Variants in MALSU1 observed in about 807,000 individuals in gnomAD.
MALSU1 encodes the protein mitochondrial assembly of ribosomal large subunit protein 1.
MALSU1 carries 22 observed loss-of-function variants against 22.1 expected under a neutral mutation model. The ratio of observed to expected loss-of-function variants is 1.00; its 90% CI spans 0.71 to 1.42. MALSU1 has a LOEUF of 1.42. Among genes scored for constraint, MALSU1 ranks in the 40% most tolerant of loss-of-function variants. The pLI, the probability that MALSU1 is intolerant of heterozygous loss-of-function variation, is 0.00. For synonymous variants in MALSU1, 153 were observed against 118.5 expected (o/e 1.29, Z -1.89); for missense variants, 379 against 308.3 (o/e 1.23, Z -1.72).
chr7:23,306,429 C>CTT (rs575334744), intron 2 of MALSU1, among the ~76,000 whole-genome samples: 4,367 of 142,882 alleles, frequency 0.031, 196 homozygotes, highest in African/African-American at 0.1. Context: ...ATTTGGGTAC[C>CTT]TTTTTTTTTT....
Position 23,311,382 on chromosome 7 carries a change from TTTA to T in MALSU1, c.*1844_*1846del, listed in dbSNP as rs1783824088. 6.6e-6 allele frequency: 1 copy of T among 152,658 alleles called. No individual in the cohort carries two copies. The highest frequency in any genetic ancestry group is 2.4e-5 in the African/African-American group (1 of 41,452). 9.5% of individuals were successfully genotyped at this position (152,658 alleles called of 1,614,324 possible). On this transcript the variant is annotated 3_prime_UTR_variant, in exon 4 of 4. Transcript: ENST00000466681. The stretch of plus-strand genomic sequence containing the variant: ...TATTGATAGTCAGAAGCACAAAGCA[TTTA>T]TTATGCATTCAATCATGTAGCTAAA...
At chr7:23,306,472 A>G (rs974079393) in intron 2 of MALSU1, among the ~76,000 whole-genome samples, 5 of 151,476 alleles carry the variant, frequency 3.3e-5, no homozygotes, top group Non-Finnish European at 7.4e-5. Context: ...AGAACTTCCA[A>G]TACTGTGTTG....
chr7:23,305,602 C>T (rs1403151512), intron 2 of MALSU1, among the ~76,000 whole-genome samples: 2 of 152,074 alleles, frequency 1.3e-5, no homozygotes, highest in Non-Finnish European at 2.9e-5. Flanking sequence ...GTCTTAAACT[C>T]CTAACCTCAG....
In MALSU1 at chr7:23,309,500, A is replaced by C. The variant is rs766734480; in HGVS notation, c.662A>C (p.Asp221Ala). ...VPEDFILGIE[D>A]DTSSVTPVEL... ...GAAGACTTCATTCTTGGAATAGAAG[A>C]TGATACTTCATCTGTGACTCCAGTG... is the stretch of plus-strand genomic sequence containing the variant. Residue 221 changes from aspartate to alanine, a missense_variant, in exon 4 of 4, where the codon GAT becomes GCT. Transcript: ENST00000466681. 1 of 1,611,442 alleles carries C rather than the reference A, an allele frequency of 6.2e-7. No homozygotes were observed. The highest frequency in any genetic ancestry group is 8.5e-7 in the Non-Finnish European group (1 of 1,179,218).
At chr7:23,308,055 G>A in intron 3 of MALSU1, 106 bp downstream of exon 3, 1 of 936,310 alleles carries the variant, frequency 1.1e-6, no homozygotes, top group Non-Finnish European at 1.7e-6. Context: ...TGTATTTCCA[G>A]GTAAGATTTT....
chr7:23,310,280 T>A lies in MALSU1; in HGVS notation c.*737T>A, dbSNP rs1179048891. On this transcript the variant is annotated 3_prime_UTR_variant, in exon 4 of 4. Transcript: ENST00000466681. ...AAATGAAGCTGCATTTGGGGCACAT[T>A]ATACATGAGGAATGATCCATATATG... The A allele has an allele frequency of 6.6e-6, 1 of 152,222 alleles. No homozygotes were observed. The highest frequency in any genetic ancestry group is 6.5e-5 in the Admixed American group (1 of 15,276). 9.4% of individuals were successfully genotyped at this position (152,222 alleles called of 1,614,324 possible).
intron 2 of MALSU1, among the ~76,000 whole-genome samples, chr7:23,306,741 G>T (rs905175898): frequency 6.6e-6 from 1 of 152,112 alleles, no homozygotes; most frequent in Non-Finnish European, 1.5e-5. Flanking sequence ...GCATTGATCC[G>T]TTTTTATATG....
At chr7:23,304,876 T>A (rs1486124453) in intron 2 of MALSU1, among the ~76,000 whole-genome samples, 1 of 146,266 alleles carries the variant, frequency 6.8e-6, no homozygotes, top group East Asian at 1.9e-4. Context: ...TCTGCCATTC[T>A]GTGGGTTGCC....
In MALSU1 at chr7:23,310,841, T is replaced by C. The variant is rs1346927170; in HGVS notation, c.*1298T>C. On this transcript the variant is annotated 3_prime_UTR_variant, in exon 4 of 4. Transcript: ENST00000466681. ...GTCCTTTAGATCAGTGTAACATGAC[T>C]GTGATCATCTTACAAACAAAACTCA... The C allele has an allele frequency of 6.6e-6, 1 of 152,120 alleles. No homozygotes were observed. 9.4% of individuals were successfully genotyped at this position (152,120 alleles called of 1,614,324 possible).
rs558206892 is a variant in MALSU1 at position 23,308,340 on chromosome 7, G to T, written c.517+391G>T. On this transcript the variant is annotated intron_variant, in intron 3 of 3. Transcript: ENST00000466681. Reference sequence around the variant, plus strand: ...TGAGATGAGGATGAGGTTATTCCAGGCACAAAAAAGGACAAGAGCAGAAGA... The same window carrying T: ...TGAGATGAGGATGAGGTTATTCCAGTCACAAAAAAGGACAAGAGCAGAAGA... Among the ~76,000 whole-genome samples, 4 of 152,054 alleles carry T rather than the reference G, an allele frequency of 2.6e-5. No homozygotes were observed. In the East Asian group the frequency reaches 7.7e-4, roughly 29 times the overall value.
intron 2 of MALSU1, among the ~76,000 whole-genome samples, chr7:23,302,850 C>T (rs1315518829): frequency 6.6e-6 from 1 of 152,152 alleles, no homozygotes; most frequent in Admixed American, 6.5e-5. Flanking sequence ...GATCTCAGCT[C>T]ACTGCAGTCT....
rs750130425 is a variant in MALSU1 at position 23,299,613 on chromosome 7, G to A, written c.256+5G>A. 5 of 1,569,386 alleles carry A rather than the reference G, an allele frequency of 3.2e-6. No homozygotes were observed. The highest frequency in any genetic ancestry group is 4.3e-6 in the Non-Finnish European group (5 of 1,157,300). On this transcript the variant is annotated splice_donor_5th_base_variant and intron_variant, in intron 1 of 3. Coordinates refer to ENST00000466681, the MANE Select transcript of MALSU1 (RefSeq NM_138446.2). ...GCCCAGAATCGGACGCGGCAGGTAC[G>A]GGCGTGGAGAAGAACGAAGGCGACC...
At chr7:23,301,960 T>A (rs1783654539) in intron 2 of MALSU1, among the ~76,000 whole-genome samples, 1 of 148,972 alleles carries the variant, frequency 6.7e-6, no homozygotes, top group Non-Finnish European at 1.5e-5. Context: ...AGAGCCAGAC[T>A]CTGTCTCAAA....
chr7:23,309,719 AACCAAAAAT>A lies in MALSU1; in HGVS notation c.*177_*185del. On this transcript the variant is annotated 3_prime_UTR_variant, in exon 4 of 4. Transcript: ENST00000466681. Reference sequence around the variant, plus strand: ...CTGTCGATAAGTGAGCTATACCTGCAACCAAAAATCAGTACATTCTACCCAAAACTTATG... The same window carrying A: ...CTGTCGATAAGTGAGCTATACCTGCACAGTACATTCTACCCAAAACTTATG... 1 of 428,552 alleles carries A rather than the reference AACCAAAAAT, an allele frequency of 2.3e-6. No homozygotes were observed. Among genetic ancestry groups the A allele is most frequent in the Non-Finnish European group, 4.1e-6 (1 of 243,524 alleles). 26.5% of individuals were successfully genotyped at this position (428,552 alleles called of 1,614,324 possible).
At chr7:23,308,520 G>A (rs1400112613) in intron 3 of MALSU1, among the ~76,000 whole-genome samples, 1 of 152,120 alleles carries the variant, frequency 6.6e-6, no homozygotes, top group Admixed American at 6.6e-5. Context: ...CTAATACATT[G>A]TCCCGCCAGT....
chr7:23,309,763 C>T lies in MALSU1; in HGVS notation c.*220C>T, dbSNP rs867064020. ...CTACCCAAAACTTATGACACGCTGC[C>T]TTTATCCTGGAAATGTCATCAGAAT... On this transcript the variant is annotated 3_prime_UTR_variant, in exon 4 of 4. Coordinates refer to ENST00000466681, the MANE Select transcript of MALSU1 (RefSeq NM_138446.2). The T allele has an allele frequency of 2.6e-5, 8 of 311,304 alleles. No homozygotes were observed. Among genetic ancestry groups the T allele is most frequent in the Middle Eastern group, 8.9e-4 (1 of 1,126 alleles). 19.3% of individuals were successfully genotyped at this position (311,304 alleles called of 1,614,324 possible). A position where few individuals can be genotyped will look rare whatever the true frequency, so the allele number is the denominator to read the frequency against.
rs1783828390 is a variant in MALSU1, at chr7:23,311,503, A to G, written c.*1960A>G. The G allele has an allele frequency of 6.6e-6, 1 of 152,468 alleles. No individual in the cohort carries two copies. Among genetic ancestry groups the G allele is most frequent in the Non-Finnish European group, 1.5e-5 (1 of 68,034 alleles). The allele number at this position is 152,468 out of a possible 1,614,324, so 9.4% of individuals were successfully genotyped here. ...AGTACCGTCAAAAACTTTCCCAACT[A>G]TAAATGAAAGAATAAATGGTAGTGC... On this transcript the variant is annotated 3_prime_UTR_variant, in exon 4 of 4. Transcript: ENST00000466681.
In MALSU1 at chr7:23,301,022, G is replaced by T. The variant is rs1472431157; in HGVS notation, c.435+5G>T. On this transcript the variant is annotated splice_donor_5th_base_variant and intron_variant, in intron 2 of 3. Coordinates refer to ENST00000466681, the MANE Select transcript of MALSU1 (RefSeq NM_138446.2). The stretch of plus-strand genomic sequence containing the variant: ...GCCTTCTACGTTGTGAAAATGGTAG[G>T]ATGCTTTCTTTTCTCTTTTGGACCA... 2 of 1,609,576 alleles carry T rather than the reference G, an allele frequency of 1.2e-6. No homozygotes were observed. Among genetic ancestry groups the T allele is most frequent in the Non-Finnish European group, 1.7e-6 (2 of 1,177,440 alleles).
intron 2 of MALSU1, chr7:23,307,603 A>G: frequency 2.9e-6 from 1 of 345,058 alleles, no homozygotes; most frequent in Non-Finnish European, 5.2e-6. Context: ...TAGCTTTTTC[A>G]GCCTCAGAGG....
Sources: gnomAD v4.1 joint callset for allele counts (sites outside exome capture counted in the v4.1 genomes callset) on GRCh38, gnomAD v4.1.1 for gene constraint, MANE v1.5 for transcripts, NCBI Gene and HGNC (gene_info 2026-07-23, HGNC 2026-07-21) for gene names.